ATP13A3: variants seen among roughly 807,000 people sequenced by gnomAD.
The protein encoded by ATP13A3 is ATPase 13A3, also known as polyamine-transporting ATPase 13A3.
ATP13A3 carries 59 observed loss-of-function variants against 158.1 expected under a neutral mutation model. The ratio of observed to expected loss-of-function variants is 0.37; its 90% CI spans 0.30 to 0.46. ATP13A3 has a LOEUF of 0.46. ATP13A3 is among the 20% of genes least tolerant of loss of function. ATP13A3 has a pLI of 1.00. For missense variants in ATP13A3, 1,166 were observed against 1,525.2 expected (o/e 0.76, Z 3.92); for synonymous variants, 491 against 504.3 (o/e 0.97, Z 0.35).
intron 28 of ATP13A3, among the ~76,000 whole-genome samples, chr3:194,427,811 C>T (rs1294891927): frequency 6.6e-6 from 1 of 152,070 alleles, no homozygotes; most frequent in African/African-American, 2.4e-5. Flanking sequence ...ATAATACACA[C>T]TTCTTCCTCT....
chr3:194,447,583 T>G (rs1235486557), intron 13 of ATP13A3, among the ~76,000 whole-genome samples: 1 of 151,342 alleles, frequency 6.6e-6, no homozygotes, highest in Non-Finnish European at 1.5e-5. Flanking sequence ...TTTTCCTGTT[T>G]TTTTTTTTTA....
intron 2 of ATP13A3, among the ~76,000 whole-genome samples, chr3:194,472,546 T>A (rs565945966): frequency 1.3e-5 from 2 of 152,210 alleles, no homozygotes; most frequent in East Asian, 3.8e-4. Flanking sequence ...GAAATAGAAC[T>A]GCTGCAGTTA....
intron 33 of ATP13A3, among the ~76,000 whole-genome samples, chr3:194,407,698 G>T (rs1715042981): frequency 6.6e-6 from 1 of 152,260 alleles, no homozygotes; most frequent in Non-Finnish European, 1.5e-5. Flanking sequence ...GCATTCTGGG[G>T]TGGGGACGGG....
At chr3:194,436,848 G>A (rs1286122741) in intron 20 of ATP13A3, among the ~76,000 whole-genome samples, 4 of 152,220 alleles carry the variant, frequency 2.6e-5, no homozygotes, top group African/African-American at 4.8e-5. Context: ...GCAGTGACCC[G>A]AGACGGCAGT....
chr3:194,487,936 T>C (rs1240719173), upstream of ATP13A3: 6 of 152,466 alleles, frequency 3.9e-5, no homozygotes, highest in Non-Finnish European at 7.3e-5. Context: ...AGGGAGCCCT[T>C]AGTCCCTGGA....
intron 7 of ATP13A3, among the ~76,000 whole-genome samples, chr3:194,456,361 G>C (rs1180376620): frequency 6.6e-6 from 1 of 151,584 alleles, no homozygotes; most frequent in Non-Finnish European, 1.5e-5. Flanking sequence ...ACAGTGTTTA[G>C]TTCAAAACAT....
Position 194,404,751 on chromosome 3 carries a change from T to C in ATP13A3, c.*1168A>G, listed in dbSNP as rs1000877449. 2 of 152,246 alleles carry C rather than the reference T, an allele frequency of 1.3e-5. No individual in the cohort carries two copies. Among genetic ancestry groups the C allele is most frequent in the Non-Finnish European group, 2.9e-5 (2 of 68,046 alleles). The allele number at this position is 152,246 out of a possible 1,614,324, so 9.4% of individuals were successfully genotyped here. On this transcript the variant is annotated 3_prime_UTR_variant, in exon 34 of 34. Coordinates refer to ENST00000645319, the MANE Select transcript of ATP13A3 (RefSeq NM_001367549.1). ...ATTTTTTAACTTTATTTCCTCAATTTTTTTTCTCCCAGAAATTTCCGCATC... is the reference window on the plus strand; with the variant it reads ...ATTTTTTAACTTTATTTCCTCAATTCTTTTTCTCCCAGAAATTTCCGCATC...
At chr3:194,476,663 C>T (rs190928955) in intron 2 of ATP13A3, among the ~76,000 whole-genome samples, 7 of 152,212 alleles carry the variant, frequency 4.6e-5, no homozygotes, top group African/African-American at 1.7e-4. Context: ...TGTATGCAGC[C>T]AGATATGACC....
rs1482615162 is a variant in ATP13A3 at position 194,437,467 on chromosome 3, A to G, written c.1846-3T>C. 3.1e-6 allele frequency: 5 copies of G among 1,614,024 alleles called. No homozygotes were observed. The highest frequency in any genetic ancestry group is 2.2e-5 in the South Asian group (2 of 91,086). ...ACAATTCCTATCTCATAAGTAGCCT[A>G]TATCATTTCAAAAGAGGCACAAAGC... On this transcript the variant is annotated splice_polypyrimidine_tract_variant and splice_region_variant and intron_variant, in intron 18 of 33. Coordinates refer to ENST00000645319, the MANE Select transcript of ATP13A3 (RefSeq NM_001367549.1).
At chr3:194,441,483 T>A in intron 15 of ATP13A3, 22 bp from the exon 16 acceptor site, 1 of 1,598,062 alleles carries the variant, frequency 6.3e-7, no homozygotes, top group Non-Finnish European at 8.6e-7. Flanking sequence ...ACACACTGAA[T>A]TAGTTTCATA....
At chr3:194,484,256 CAAA>C (rs1275146933) in intron 2 of ATP13A3, among the ~76,000 whole-genome samples, 2 of 151,500 alleles carry the variant, frequency 1.3e-5, no homozygotes, top group African/African-American at 4.9e-5. Context: ...TTTTTTTTAA[CAAA>C]GAAGAATATT....
rs191593450 is a variant in ATP13A3 at position 194,484,149 on chromosome 3, G to A, written c.-47+1645C>T. 1.3e-4 allele frequency among the ~76,000 whole-genome samples: 20 copies of A among 152,302 alleles called. No individual in the cohort carries two copies. The East Asian group carries it at 3.9e-3, about 29-fold the overall frequency. On this transcript the variant is annotated intron_variant, in intron 2 of 33. Transcript: ENST00000645319. Reference sequence around the variant, plus strand: ...ACATACAACTAACCTTATAAACCCAGAGACAGAAACCTCTGTGTTAAGCAC... The same window carrying A: ...ACATACAACTAACCTTATAAACCCAAAGACAGAAACCTCTGTGTTAAGCAC...
intron 30 of ATP13A3, among the ~76,000 whole-genome samples, chr3:194,420,769 C>A (rs1012723439): frequency 4.6e-5 from 7 of 151,928 alleles, no homozygotes; most frequent in Admixed American, 1.3e-4. Context: ...TAATAATAAG[C>A]CATAAAAGTG....
intron 13 of ATP13A3, 111 bp from the exon 14 acceptor site, chr3:194,447,226 TTATG>T (rs1718466442): frequency 1.1e-6 from 1 of 895,678 alleles, no homozygotes; most frequent in Non-Finnish European, 1.7e-6. Flanking sequence ...TATTTCAATT[TTATG>T]TATGTGTGTG....
At chr3:194,447,716 T>C in intron 13 of ATP13A3, 136 bp downstream of exon 13, 1 of 769,916 alleles carries the variant, frequency 1.3e-6, no homozygotes, top group South Asian at 2.0e-5. Flanking sequence ...ATGACTTTGT[T>C]AGCATTAAAT....
intron 2 of ATP13A3, among the ~76,000 whole-genome samples, chr3:194,481,248 G>A (rs1054346727): frequency 7.9e-5 from 12 of 151,340 alleles, no homozygotes. Context: ...AGAGCAACAG[G>A]GATGCTATGA....
At chr3:194,483,810 G>A (rs888464460) in intron 2 of ATP13A3, among the ~76,000 whole-genome samples, 2 of 152,084 alleles carry the variant, frequency 1.3e-5, no homozygotes, top group African/African-American at 2.4e-5. Context: ...ACTGCCTATC[G>A]AGCAGCCCTG....
At chr3:194,446,734 C>T (rs1254413582) in intron 14 of ATP13A3, among the ~76,000 whole-genome samples, 193 bp downstream of exon 14, 1 of 152,040 alleles carries the variant, frequency 6.6e-6, no homozygotes, top group Non-Finnish European at 1.5e-5. Flanking sequence ...TTTCAAGAAC[C>T]TATCAGTAAT....
At chr3:194,412,977 C>G (rs1486974369) in intron 32 of ATP13A3, 6 of 152,046 alleles carry the variant, frequency 3.9e-5, no homozygotes, top group African/African-American at 1.5e-4. Flanking sequence ...AAAAAATTAC[C>G]TTTATTTTGA....
Sources: allele counts gnomAD v4.1 joint callset (sites outside exome capture counted in the v4.1 genomes callset), GRCh38; gene constraint gnomAD v4.1.1; transcripts MANE v1.5; gene names NCBI Gene and HGNC (gene_info 2026-07-23, HGNC 2026-07-21).